The following PRKG1 variants were observed in gnomAD, a reference collection of about 807,000 sequenced individuals.
The protein encoded by PRKG1 is cGMP-dependent protein kinase 1.
Under a neutral mutation model 88.1 loss-of-function variants are expected in PRKG1, and 35 were observed. The observed-to-expected ratio is 0.40, with a 90% CI of 0.30 to 0.53. The LOEUF is 0.53. Among genes scored for constraint, PRKG1 ranks in the 20% least tolerant of loss-of-function variants. The pLI is 0.59. For missense variants in PRKG1, 540 were observed against 839.8 expected, an observed-to-expected ratio of 0.64 and a Z score of 4.41; for synonymous variants, 303 against 292.5, an observed-to-expected ratio of 1.04 and a Z score of -0.37.
At chr10:52,109,184 G>A (rs1014636134) in intron 7 of PRKG1, among the ~76,000 whole-genome samples, 1 of 152,114 alleles carries the variant, frequency 6.6e-6, no homozygotes, top group Non-Finnish European at 1.5e-5. Context: ...GGTCTCAGCG[G>A]GGGAGTGGCT....
intron 2 of PRKG1, among the ~76,000 whole-genome samples, chr10:51,230,356 T>C (rs1047384005): frequency 4.6e-5 from 7 of 152,224 alleles, no homozygotes; most frequent in Non-Finnish European, 8.8e-5. Context: ...TGATGAGTGA[T>C]TCATATATGT....
At chr10:51,566,015 A>G (rs1448622670) in intron 3 of PRKG1, among the ~76,000 whole-genome samples, 3 of 152,146 alleles carry the variant, frequency 2.0e-5, no homozygotes, top group Admixed American at 6.6e-5. Flanking sequence ...CTGGAAGAGC[A>G]TCTTGGGAAG....
chr10:52,007,472 G>GT (rs1428705119), intron 5 of PRKG1, among the ~76,000 whole-genome samples: 2 of 152,148 alleles, frequency 1.3e-5, no homozygotes, highest in Non-Finnish European at 2.9e-5. Flanking sequence ...AGCAGAGATT[G>GT]TAACTGTAAT....
chr10:51,358,600 A>G (rs1842414663), intron 2 of PRKG1, among the ~76,000 whole-genome samples: 1 of 151,940 alleles, frequency 6.6e-6, no homozygotes, highest in Non-Finnish European at 1.5e-5. Context: ...GTTTTCAGAG[A>G]GCTTGTAGTA....
chr10:51,110,780 T>G (rs773351216), intron 1 of PRKG1, among the ~76,000 whole-genome samples: 3 of 152,168 alleles, frequency 2.0e-5, no homozygotes, highest in Middle Eastern at 3.4e-3. Flanking sequence ...AGGGGTTAAA[T>G]AGAGAATGAA....
chr10:51,387,250 G>C (rs989770379), intron 2 of PRKG1, among the ~76,000 whole-genome samples: 5 of 151,352 alleles, frequency 3.3e-5, no homozygotes, highest in Non-Finnish European at 7.4e-5. Flanking sequence ...GGTCAAGGGG[G>C]TCTGCACTTG....
At chr10:51,335,725 C>A (rs913043651) in intron 2 of PRKG1, among the ~76,000 whole-genome samples, 1 of 151,876 alleles carries the variant, frequency 6.6e-6, no homozygotes, top group East Asian at 1.9e-4. Flanking sequence ...GATATCTGCA[C>A]GAAAATACTA....
chr10:51,121,802 C>T (rs1374261266), intron 1 of PRKG1, among the ~76,000 whole-genome samples: 1 of 152,088 alleles, frequency 6.6e-6, no homozygotes, highest in African/African-American at 2.4e-5. Context: ...ACTAACTGTT[C>T]GTTGGATTCG....
chr10:52,149,226 T>C (rs952727627), intron 8 of PRKG1, among the ~76,000 whole-genome samples: 1 of 151,872 alleles, frequency 6.6e-6, no homozygotes, highest in Non-Finnish European at 1.5e-5. Context: ...TGCAAATCTA[T>C]TTAATAAGAT....
chr10:51,532,279 A>C (rs897426655), intron 3 of PRKG1, among the ~76,000 whole-genome samples: 62 of 152,174 alleles, frequency 4.1e-4, no homozygotes, highest in African/African-American at 1.5e-3. Context: ...ACATAAAGAT[A>C]CTATTATTTC....
chr10:51,558,500 C>A (rs1313177509), intron 3 of PRKG1, among the ~76,000 whole-genome samples: 3 of 151,922 alleles, frequency 2.0e-5, no homozygotes, highest in South Asian at 2.1e-4. Flanking sequence ...GTGTTCTTGC[C>A]GGGAAGACAT....
At chr10:51,806,765 G>A (rs1839318352) in intron 4 of PRKG1, among the ~76,000 whole-genome samples, 1 of 152,062 alleles carries the variant, frequency 6.6e-6, no homozygotes, top group Non-Finnish European at 1.5e-5. Context: ...GACATTCAAG[G>A]CCCTCCTATA....
chr10:51,032,903 G>A (rs182996272), intron 1 of PRKG1, among the ~76,000 whole-genome samples: 1 of 151,918 alleles, frequency 6.6e-6, no homozygotes, highest in African/African-American at 2.4e-5. Context: ...TATTTTGGGG[G>A]TACATGAGAT....
intron 3 of PRKG1, among the ~76,000 whole-genome samples, chr10:51,553,600 G>A (rs1837196095): frequency 6.6e-6 from 1 of 151,370 alleles, no homozygotes; most frequent in Non-Finnish European, 1.5e-5. Flanking sequence ...GATCTTTGTG[G>A]AATTGAAATC....
intron 5 of PRKG1, among the ~76,000 whole-genome samples, chr10:52,007,879 TA>T (rs1333492206): frequency 2.0e-5 from 3 of 151,868 alleles, no homozygotes; most frequent in African/African-American, 7.3e-5. Flanking sequence ...AAATCAGACA[TA>T]AAATAGTACT....
At chr10:51,494,381 G>A (rs989141444) in intron 3 of PRKG1, among the ~76,000 whole-genome samples, 4 of 152,190 alleles carry the variant, frequency 2.6e-5, no homozygotes, top group Non-Finnish European at 5.9e-5. Context: ...TTTAAAAAAT[G>A]GGTAACTATT....
chr10:51,438,184 T>C (rs1359389955), intron 2 of PRKG1, among the ~76,000 whole-genome samples: 2 of 141,022 alleles, frequency 1.4e-5, no homozygotes, highest in Non-Finnish European at 3.1e-5. Flanking sequence ...TCTTTTGGAA[T>C]GGTTTTAGAC....
At chr10:51,154,583 AG>A (rs1271331176) in intron 2 of PRKG1, among the ~76,000 whole-genome samples, 1 of 152,034 alleles carries the variant, frequency 6.6e-6, no homozygotes, top group Non-Finnish European at 1.5e-5. Context: ...ACAGTATATA[AG>A]AAATATTCTT....
At chr10:52,264,885 GA>G (rs1414294310) in intron 10 of PRKG1, among the ~76,000 whole-genome samples, 27 of 151,984 alleles carry the variant, frequency 1.8e-4, no homozygotes, top group African/African-American at 5.8e-4. Flanking sequence ...AAGAGAATAT[GA>G]ACATAAATGT....
Sources: allele counts gnomAD v4.1 joint callset (sites outside exome capture counted in the v4.1 genomes callset), GRCh38; gene constraint gnomAD v4.1.1; transcripts MANE v1.5; gene names NCBI Gene and HGNC (gene_info 2026-07-23, HGNC 2026-07-21).